Variants in FRMD5 observed in about 807,000 individuals in gnomAD.
FRMD5 encodes the protein FERM domain-containing protein 5.
A neutral mutation model predicts 69.0 loss-of-function variants in FRMD5; 20 were observed. That is an observed-to-expected ratio of 0.29 (90% CI 0.20 to 0.42). The LOEUF is 0.42. Ranked by LOEUF, FRMD5 falls within the 10% of genes least tolerant of loss-of-function variation. FRMD5 has a pLI of 1.00. For missense variants in FRMD5, 595 were observed against 708.6 expected (o/e 0.84, Z 1.82); for synonymous variants, 271 against 260.1 (o/e 1.04, Z -0.40).
At chr15:44,043,377 C>A (rs1191928735) in intron 1 of FRMD5, among the ~76,000 whole-genome samples, 1 of 152,110 alleles carries the variant, frequency 6.6e-6, no homozygotes, top group East Asian at 1.9e-4. Flanking sequence ...TGAATGCTAT[C>A]CACATGAAGC....
chr15:44,067,290 T>C (rs1170687404), intron 1 of FRMD5, among the ~76,000 whole-genome samples: 1 of 152,088 alleles, frequency 6.6e-6, no homozygotes, highest in African/African-American at 2.4e-5. Flanking sequence ...TTGAGAGGGA[T>C]ATAATCATGA....
At chr15:44,154,861 T>C (rs1431584237) in intron 1 of FRMD5, among the ~76,000 whole-genome samples, 2 of 152,200 alleles carry the variant, frequency 1.3e-5, no homozygotes, top group African/African-American at 4.8e-5. Flanking sequence ...TGGTGATAGA[T>C]GTACAACTCT....
intron 1 of FRMD5, among the ~76,000 whole-genome samples, chr15:44,111,190 T>G (rs2076790496): frequency 6.6e-6 from 1 of 152,204 alleles, no homozygotes; most frequent in African/African-American, 2.4e-5. Flanking sequence ...TATATGAACC[T>G]GATGATTCGT....
intron 11 of FRMD5, 176 bp from the exon 12 acceptor site, chr15:43,884,971 T>C (rs2088628321): frequency 1.8e-6 from 1 of 566,898 alleles, no homozygotes; most frequent in Admixed American, 3.0e-5. Flanking sequence ...TTCTAAACTG[T>C]CATGACAGCC....
chr15:44,062,369 T>C (rs1196795453), intron 1 of FRMD5, among the ~76,000 whole-genome samples: 1 of 152,132 alleles, frequency 6.6e-6, no homozygotes, highest in Non-Finnish European at 1.5e-5. Context: ...ACGGTCTTTC[T>C]GAAGAAGTAT....
At chr15:43,962,056 G>A (rs1268684423) in intron 1 of FRMD5, among the ~76,000 whole-genome samples, 2 of 152,170 alleles carry the variant, frequency 1.3e-5, no homozygotes, top group Admixed American at 6.5e-5. Context: ...TCTGGCCAGG[G>A]CAATCAGGCA....
At chr15:44,017,174 T>C (rs975996567) in intron 1 of FRMD5, among the ~76,000 whole-genome samples, 2 of 151,892 alleles carry the variant, frequency 1.3e-5, no homozygotes, top group African/African-American at 4.8e-5. Context: ...CCGTCTCTAC[T>C]AAAAATACAA....
Position 43,872,968 on chromosome 15 carries a change from A to G in FRMD5, c.*917T>C. ...ATCTCAACAGTCTCTCAGGTAACTT[A>G]ACTCTGCTTTCTCTTAACTACACTT... is the stretch of plus-strand genomic sequence containing the variant. On this transcript the variant is annotated 3_prime_UTR_variant, in exon 14 of 14. Transcript: ENST00000417257. The G allele has an allele frequency of 1.8e-6, 1 of 540,578 alleles. No individual in the cohort carries two copies. Among genetic ancestry groups the G allele is most frequent in the Non-Finnish European group, 3.2e-6 (1 of 308,686 alleles). 33.5% of individuals were successfully genotyped at this position (540,578 alleles called of 1,614,324 possible).
At chr15:43,904,513 G>A (rs906003246) in intron 6 of FRMD5, among the ~76,000 whole-genome samples, 2 of 151,948 alleles carry the variant, frequency 1.3e-5, no homozygotes, top group African/African-American at 2.4e-5. Flanking sequence ...GGATACAAGC[G>A]TGTGCCACCA....
At chr15:44,063,552 TG>T in intron 1 of FRMD5, 1 of 513,226 alleles carries the variant, frequency 1.9e-6, no homozygotes, top group South Asian at 1.5e-5. Context: ...TTAGTTGTAC[TG>T]GTCACCTGGT....
chr15:44,044,769 G>A (rs1226347718), intron 1 of FRMD5, among the ~76,000 whole-genome samples: 1 of 152,042 alleles, frequency 6.6e-6, no homozygotes, highest in African/African-American at 2.4e-5. Context: ...GTCAGGGGGT[G>A]GGGGGCTAGG....
At chr15:44,143,481 T>C (rs1442192174) in intron 1 of FRMD5, among the ~76,000 whole-genome samples, 1 of 151,974 alleles carries the variant, frequency 6.6e-6, no homozygotes, top group African/African-American at 2.4e-5. Flanking sequence ...TGAAGAACTA[T>C]GATATGGAAT....
intron 1 of FRMD5, among the ~76,000 whole-genome samples, chr15:44,186,705 A>C (rs1356896196): frequency 6.6e-6 from 1 of 152,232 alleles, no homozygotes; most frequent in Non-Finnish European, 1.5e-5. Flanking sequence ...CCGTATTGTC[A>C]GTCATCCCCT....
rs1189814852 is a variant in FRMD5, at chr15:43,999,934, TATATATATATATGCCATGC to T, written c.103-75644_103-75626del. Among the ~76,000 whole-genome samples, 1,012 of 140,828 alleles carry T rather than the reference TATATATATATATGCCATGC, an allele frequency of 7.2e-3. 22 individuals carry two copies. The highest frequency in any genetic ancestry group is 0.028 in the African/African-American group (946 of 34,286). The allele number at this position is 140,828 out of a possible 152,430, so 92.4% of individuals were successfully genotyped here. On this transcript the variant is annotated intron_variant, in intron 1 of 13. Transcript: ENST00000417257. ...TTGTGTGTGTGTATGTATATATATA[TATATATATATATGCCATGC>T]ATATATATATATATATATATATATA...
chr15:43,896,939 C>G (rs2088923482), intron 7 of FRMD5, among the ~76,000 whole-genome samples: 1 of 152,110 alleles, frequency 6.6e-6, no homozygotes, highest in Non-Finnish European at 1.5e-5. Flanking sequence ...TTTGAATATA[C>G]TACACTTAAA....
At chr15:43,918,154 G>C (rs566418812) in intron 4 of FRMD5, among the ~76,000 whole-genome samples, 2 of 152,176 alleles carry the variant, frequency 1.3e-5, no homozygotes, top group Middle Eastern at 6.4e-3. Flanking sequence ...GGCCGGGCAC[G>C]GTGGCTCATG....
intron 1 of FRMD5, among the ~76,000 whole-genome samples, chr15:44,022,701 G>T (rs957248798): frequency 6.6e-6 from 1 of 151,668 alleles, no homozygotes; most frequent in African/African-American, 2.4e-5. Flanking sequence ...CGTATTTTGT[G>T]GGCCAGGATA....
In FRMD5 at chr15:44,108,692, T is replaced by G. The variant is rs534166069; in HGVS notation, c.102+86261A>C. ...AAAAACAAAAAACCTCTGGGCACAG[T>G]GGCTCACGCCTGTAATCTCAACACT... On this transcript the variant is annotated intron_variant, in intron 1 of 13. Coordinates refer to ENST00000417257, the MANE Select transcript of FRMD5 (RefSeq NM_032892.5). Among the ~76,000 whole-genome samples, 11 of 151,670 alleles carry G rather than the reference T, an allele frequency of 7.3e-5. No individual in the cohort carries two copies. In the East Asian group the frequency reaches 2.1e-3, roughly 30 times the overall value.
At chr15:43,896,330 C>T (rs916376542) in intron 7 of FRMD5, among the ~76,000 whole-genome samples, 1 of 152,230 alleles carries the variant, frequency 6.6e-6, no homozygotes, top group Non-Finnish European at 1.5e-5. Context: ...CTTCTCCAAA[C>T]CTCGGTTTCC....
Sources: gnomAD v4.1 joint callset for allele counts (sites outside exome capture counted in the v4.1 genomes callset) on GRCh38, gnomAD v4.1.1 for gene constraint, MANE v1.5 for transcripts, NCBI Gene and HGNC (gene_info 2026-07-23, HGNC 2026-07-21) for gene names.